The following ASAP1 variants were observed in gnomAD, a reference collection of about 807,000 sequenced individuals.
The protein encoded by ASAP1 is arf-GAP with SH3 domain, ANK repeat and PH domain-containing protein 1.
In ASAP1, 43 loss-of-function variants were observed where a neutral mutation model predicts 145.2. The ratio of observed to expected loss-of-function variants is 0.30; its 90% CI spans 0.23 to 0.38. The LOEUF (loss-of-function observed/expected upper bound fraction) is 0.38. ASAP1 is among the 10% of genes least tolerant of loss of function. ASAP1 has a pLI of 1.00. For missense variants in ASAP1, 1,018 were observed against 1,355.3 expected, an observed-to-expected ratio of 0.75 and a Z score of 3.91; for synonymous variants, 546 against 515.5, an observed-to-expected ratio of 1.06 and a Z score of -0.80.
At position 130,236,852 on chromosome 8, in the gene ASAP1, T is replaced by C. The variant is rs984512034; in HGVS notation, c.259+70A>G. 1.5e-4 allele frequency: 183 copies of C among 1,182,810 alleles called. No individual in the cohort carries two copies. In the African/African-American group the frequency reaches 2.3e-3, roughly 15 times the overall value. 73.3% of individuals were successfully genotyped at this position (1,182,810 alleles called of 1,614,324 possible). On this transcript the variant is annotated intron_variant, in intron 4 of 29. Transcript: ENST00000518721. ...AAGTTTCCTATAAACTTAACATCTT[T>C]TAAATAACTAACAAAACTCTGTAGA...
chr8:130,116,100 A>T (rs543109396), intron 22 of ASAP1, among the ~76,000 whole-genome samples: 1 of 152,236 alleles, frequency 6.6e-6, no homozygotes, highest in Non-Finnish European at 1.5e-5. Context: ...CTCATTCATA[A>T]AATGGGAGCA....
chr8:130,219,773 C>T (rs780250662), intron 4 of ASAP1, among the ~76,000 whole-genome samples: 2 of 152,196 alleles, frequency 1.3e-5, no homozygotes, highest in African/African-American at 4.8e-5. Context: ...GACATTGTTG[C>T]AGAAGGCAAG....
At chr8:130,439,316 A>T (rs1401144732) in intron 1 of ASAP1, among the ~76,000 whole-genome samples, 4 of 152,216 alleles carry the variant, frequency 2.6e-5, no homozygotes, top group Non-Finnish European at 5.9e-5. Context: ...AGTGAGATCC[A>T]TTCTAGACTT....
chr8:130,288,641 G>A (rs1821764296), intron 3 of ASAP1, among the ~76,000 whole-genome samples: 1 of 152,218 alleles, frequency 6.6e-6, no homozygotes, highest in Admixed American at 6.5e-5. Context: ...AGGAGACTCT[G>A]TCCTCCAAGA....
intron 3 of ASAP1, among the ~76,000 whole-genome samples, chr8:130,354,055 T>A (rs748148963): frequency 2.0e-5 from 3 of 147,392 alleles, no homozygotes; most frequent in African/African-American, 5.0e-5. Context: ...GCCCAGCTAA[T>A]TTTTTTTTGT....
At chr8:130,222,309 C>T (rs975532583) in intron 4 of ASAP1, among the ~76,000 whole-genome samples, 2 of 152,218 alleles carry the variant, frequency 1.3e-5, no homozygotes, top group African/African-American at 2.4e-5. Flanking sequence ...AACCTCTGGA[C>T]TGGACTGCCT....
At chr8:130,142,151 T>A (rs1019359463) in intron 13 of ASAP1, among the ~76,000 whole-genome samples, 1 of 152,204 alleles carries the variant, frequency 6.6e-6, no homozygotes, top group Non-Finnish European at 1.5e-5. Context: ...AAAGGTTAAG[T>A]AACATTCCTA....
intron 13 of ASAP1, among the ~76,000 whole-genome samples, chr8:130,144,527 G>C (rs776426104): frequency 6.6e-6 from 1 of 152,142 alleles, no homozygotes; most frequent in Non-Finnish European, 1.5e-5. Context: ...GTCAAGCCAA[G>C]CCCTAGGAAA....
At chr8:130,408,895 C>G (rs1829146738) in intron 1 of ASAP1, among the ~76,000 whole-genome samples, 1 of 152,162 alleles carries the variant, frequency 6.6e-6, no homozygotes, top group Admixed American at 6.5e-5. Context: ...CTGTGCTAAG[C>G]AAGGCACTAT....
At chr8:130,349,158 T>C (rs543715801) in intron 3 of ASAP1, among the ~76,000 whole-genome samples, 1 of 152,218 alleles carries the variant, frequency 6.6e-6, no homozygotes, top group African/African-American at 2.4e-5. Flanking sequence ...ACAGTTACAC[T>C]GAGTTGACAG....
chr8:130,144,348 T>C (rs2097621733), intron 13 of ASAP1, among the ~76,000 whole-genome samples: 1 of 152,252 alleles, frequency 6.6e-6, no homozygotes, highest in Non-Finnish European at 1.5e-5. Context: ...AATTCTATTA[T>C]TTAATTTTTG....
At chr8:130,153,373 A>ATATATATATG in intron 12 of ASAP1, among the ~76,000 whole-genome samples, 1 of 96,804 alleles carries the variant, frequency 1.0e-5, no homozygotes, top group Non-Finnish European at 2.1e-5. Flanking sequence ...ATATATATAT[A>ATATATATATG]TATATATATA....
chr8:130,054,590 A>C lies in ASAP1; in HGVS notation c.*141T>G. ...GAAAACCACAGGATATTTACAACAC[A>C]CATTATATCCCCCTCCTGAGGTGGC... On this transcript the variant is annotated 3_prime_UTR_variant, in exon 30 of 30. Coordinates refer to ENST00000518721, the MANE Select transcript of ASAP1 (RefSeq NM_018482.4). 1.5e-6 allele frequency: 1 copy of C among 683,420 alleles called. No individual in the cohort carries two copies. The highest frequency in any genetic ancestry group is 1.6e-5 in the South Asian group (1 of 60,740). The allele number at this position is 683,420 out of a possible 1,614,324, so 42.3% of individuals were successfully genotyped here. A position where few individuals can be genotyped will look rare whatever the true frequency, so the allele number is the denominator to read the frequency against.
intron 3 of ASAP1, among the ~76,000 whole-genome samples, chr8:130,262,416 A>AAAAAG (rs1819974520): frequency 8.6e-5 from 5 of 57,850 alleles, no homozygotes; most frequent in African/African-American, 2.0e-4. Context: ...AAAAAAAAAA[A>AAAAAG]AGAGAGAGAG....
At chr8:130,313,716 CA>C (rs753607343) in intron 3 of ASAP1, among the ~76,000 whole-genome samples, 2 of 152,140 alleles carry the variant, frequency 1.3e-5, no homozygotes, top group Non-Finnish European at 2.9e-5. Flanking sequence ...CCAGGATATT[CA>C]AAAATCTTAT....
At chr8:130,178,052 T>A (rs77319332) in intron 9 of ASAP1, among the ~76,000 whole-genome samples, 4,181 of 152,342 alleles carry the variant, frequency 0.027, 94 homozygotes, top group Non-Finnish European at 0.039. Flanking sequence ...AGCTTTGTGC[T>A]TTTGACATAA....
intron 9 of ASAP1, among the ~76,000 whole-genome samples, chr8:130,178,174 G>C (rs1245745798): frequency 4.6e-5 from 7 of 152,198 alleles, no homozygotes; most frequent in Non-Finnish European, 7.3e-5. Context: ...ACTTTTTTGA[G>C]AGTATTTTAT....
intron 24 of ASAP1, among the ~76,000 whole-genome samples, chr8:130,098,661 G>A (rs2097523324): frequency 6.6e-6 from 1 of 152,040 alleles, no homozygotes; most frequent in South Asian, 2.1e-4. Flanking sequence ...AAACTTTTTA[G>A]TTGACACAAT....
chr8:130,098,509 A>C (rs893234578), intron 24 of ASAP1, among the ~76,000 whole-genome samples: 4 of 151,994 alleles, frequency 2.6e-5, no homozygotes, highest in Non-Finnish European at 4.4e-5. Flanking sequence ...ACGCCCGGCT[A>C]ATTTTTGTAT....
Sources: gnomAD v4.1 joint callset for allele counts (sites outside exome capture counted in the v4.1 genomes callset) on GRCh38, gnomAD v4.1.1 for gene constraint, MANE v1.5 for transcripts, NCBI Gene and HGNC (gene_info 2026-07-23, HGNC 2026-07-21) for gene names.